Variants in EGFLAM observed in about 807,000 individuals in gnomAD.
The protein encoded by EGFLAM is pikachurin.
EGFLAM carries 79 observed loss-of-function variants against 113.1 expected under a neutral mutation model. The ratio of observed to expected loss-of-function variants is 0.70; its 90% confidence interval spans 0.58 to 0.84. The LOEUF is 0.84. EGFLAM is among the 40% of genes least tolerant of loss of function. The pLI, the probability that EGFLAM is intolerant of heterozygous loss-of-function variation, is 0.00. For missense variants in EGFLAM, 1,265 were observed against 1,291.6 expected (o/e 0.98, Z 0.32); for synonymous variants, 504 against 487.6 (o/e 1.03, Z -0.44).
At position 38,418,224 on chromosome 5, in the gene EGFLAM, C is replaced by T; in HGVS notation, c.1653C>T (p.Pro551=). Residue 551 remains proline (P), a synonymous_variant, in exon 12 of 22, where the codon CCC becomes CCT. Coordinates refer to ENST00000322350, the MANE Select transcript of EGFLAM (RefSeq NM_152403.4). ...GGAGAATTGACATGAGGCCCTGGCC[C>T]CTGGGAAAAGCACTCAGTGGGGCTG... The part of the protein sequence containing the change: ...NGRRIDMRPW[P]LGKALSGADV... 6.2e-7 allele frequency: 1 copy of T among 1,613,618 alleles called. No homozygotes were observed. The highest frequency in any genetic ancestry group is 1.1e-5 in the South Asian group (1 of 90,970).
intron 17 of EGFLAM, among the ~76,000 whole-genome samples, chr5:38,439,690 G>A (rs1019482055): frequency 6.6e-6 from 1 of 152,192 alleles, no homozygotes; most frequent in African/African-American, 2.4e-5. Flanking sequence ...ACAAGGGAGG[G>A]TAATTGATTC....
intron 1 of EGFLAM, among the ~76,000 whole-genome samples, chr5:38,307,260 T>A (rs529866026): frequency 6.6e-6 from 1 of 152,238 alleles, no homozygotes; most frequent in Non-Finnish European, 1.5e-5. Flanking sequence ...CTTGATATGG[T>A]TTGATTCTGT....
intron 1 of EGFLAM, among the ~76,000 whole-genome samples, chr5:38,329,302 TAAA>T (rs1200663064): frequency 4.2e-5 from 1 of 23,794 alleles, no homozygotes; most frequent in East Asian, 7.8e-4. Context: ...GATAAATAAA[TAAA>T]TAAATAAATA....
intron 5 of EGFLAM, among the ~76,000 whole-genome samples, chr5:38,353,494 T>A (rs1221060797): frequency 1.3e-5 from 2 of 152,226 alleles, no homozygotes; most frequent in East Asian, 3.8e-4. Context: ...CTCCCAAGAT[T>A]TGATTAGCTC....
At chr5:38,458,503 C>T in intron 20 of EGFLAM, 109 bp downstream of exon 20, 2 of 980,838 alleles carry the variant, frequency 2.0e-6, no homozygotes, top group Non-Finnish European at 3.0e-6. Flanking sequence ...TGCCTGGCAT[C>T]CTAGTTACCC....
rs1229616612 is a variant in EGFLAM at position 38,464,355 on chromosome 5, C to T, written c.*369C>T. 1 of 196,756 alleles carries T rather than the reference C, an allele frequency of 5.1e-6. No homozygotes were observed. Among genetic ancestry groups the T allele is most frequent in the African/African-American group, 2.3e-5 (1 of 43,374 alleles). 12.2% of individuals were successfully genotyped at this position (196,756 alleles called of 1,614,324 possible). ...AGAGAGAGAGAGAGAAAGAATCCCACAGGGCACTATTAAAATACTTCTCTC... is the reference window on the plus strand; with the variant it reads ...AGAGAGAGAGAGAGAAAGAATCCCATAGGGCACTATTAAAATACTTCTCTC... On this transcript the variant is annotated 3_prime_UTR_variant, in exon 22 of 22. Coordinates refer to ENST00000322350, the MANE Select transcript of EGFLAM (RefSeq NM_152403.4).
intron 20 of EGFLAM, among the ~76,000 whole-genome samples, chr5:38,459,654 G>A (rs1472940850): frequency 1.3e-5 from 2 of 152,174 alleles, no homozygotes; most frequent in Non-Finnish European, 2.9e-5. Context: ...GTAAAGTCAT[G>A]AGTGAGGCCT....
intron 6 of EGFLAM, among the ~76,000 whole-genome samples, chr5:38,377,467 C>T (rs555211862): frequency 6.6e-6 from 1 of 152,070 alleles, no homozygotes; most frequent in South Asian, 2.1e-4. Flanking sequence ...TTCTCAACAC[C>T]CTATGCAAGG....
chr5:38,448,067 C>A (rs542992131), intron 17 of EGFLAM, among the ~76,000 whole-genome samples: 16 of 152,118 alleles, frequency 1.1e-4, no homozygotes, highest in Non-Finnish European at 8.8e-5. Flanking sequence ...AGCGCTGAGG[C>A]CAGAGGCAGG....
chr5:38,305,456 C>G lies in EGFLAM; in HGVS notation c.98-32064C>G, dbSNP rs138426134. The G allele has an allele frequency of 1.1e-5, 5 of 454,336 alleles. No individual in the cohort carries two copies. The East Asian group carries it at 2.8e-4, about 25-fold the overall frequency. The allele number at this position is 454,336 out of a possible 1,614,324, so 28.1% of individuals were successfully genotyped here. On this transcript the variant is annotated intron_variant, in intron 1 of 21. Transcript: ENST00000322350. ...GGAAGGTGTTGGAGGATGACTGTCA[C>G]GAAAACTTGGACAGAACCATGACGC...
At chr5:38,356,978 G>A (rs1739778247) in intron 5 of EGFLAM, among the ~76,000 whole-genome samples, 1 of 152,168 alleles carries the variant, frequency 6.6e-6, no homozygotes, top group Non-Finnish European at 1.5e-5. Flanking sequence ...AGAGCCCTCA[G>A]GAATAAGATT....
intron 6 of EGFLAM, among the ~76,000 whole-genome samples, chr5:38,391,639 C>T (rs373207854): frequency 1.5e-4 from 23 of 152,108 alleles, no homozygotes; most frequent in Middle Eastern, 6.8e-3. Context: ...TCAAGTGATC[C>T]GCCCACCTCG....
intron 1 of EGFLAM, among the ~76,000 whole-genome samples, chr5:38,288,847 C>T (rs1758234651): frequency 6.6e-6 from 1 of 152,148 alleles, no homozygotes; most frequent in South Asian, 2.1e-4. Flanking sequence ...TGTGTTGTTT[C>T]TTCAATATTG....
intron 1 of EGFLAM, among the ~76,000 whole-genome samples, chr5:38,276,699 AAGAGT>A (rs1437328560): frequency 6.6e-6 from 1 of 152,116 alleles, no homozygotes; most frequent in African/African-American, 2.4e-5. Flanking sequence ...AAAAAAAGAG[AAGAGT>A]AAATAAATAA....
chr5:38,275,276 T>G (rs1757859744), intron 1 of EGFLAM, among the ~76,000 whole-genome samples: 1 of 152,118 alleles, frequency 6.6e-6, no homozygotes, highest in African/African-American at 2.4e-5. Flanking sequence ...TTAAAAGACA[T>G]AAAGTGGCTT....
chr5:38,352,242 G>A lies in EGFLAM; in HGVS notation c.456G>A (p.Val152=). The change falls in exon 5 of 22, where the codon GTG becomes GTA. Residue 152 remains valine (V), a synonymous_variant. Coordinates refer to ENST00000322350, the MANE Select transcript of EGFLAM (RefSeq NM_152403.4). ...PAAPQQPHVI[V]VSDSEVALSW... ...CTCCCCAGCAGCCACATGTCATTGT[G>A]GTTTCGGATTCTGAGGTGGCCCTGT... is the stretch of plus-strand genomic sequence containing the variant. 6.2e-7 allele frequency: 1 copy of A among 1,614,100 alleles called. No homozygotes were observed. Among genetic ancestry groups the A allele is most frequent in the Non-Finnish European group, 8.5e-7 (1 of 1,180,012 alleles).
intron 3 of EGFLAM, among the ~76,000 whole-genome samples, chr5:38,344,497 A>T (rs1053583796): frequency 6.6e-6 from 1 of 152,170 alleles, no homozygotes; most frequent in African/African-American, 2.4e-5. Context: ...AAAAAAAAAA[A>T]AAAGAAGAGT....
intron 6 of EGFLAM, among the ~76,000 whole-genome samples, chr5:38,381,728 T>G (rs1203100371): frequency 6.6e-6 from 1 of 152,210 alleles, no homozygotes; most frequent in Non-Finnish European, 1.5e-5. Flanking sequence ...TTCCTCTCTC[T>G]TCTTTCTTGT....
intron 6 of EGFLAM, among the ~76,000 whole-genome samples, chr5:38,385,290 C>CAA (rs909596557): frequency 8.6e-6 from 1 of 116,150 alleles, no homozygotes; most frequent in African/African-American, 3.2e-5. Flanking sequence ...CCCCCCCCCC[C>CAA]GCCCCCGCCA....
Sources: gnomAD v4.1 joint callset for allele counts (sites outside exome capture counted in the v4.1 genomes callset) on GRCh38, gnomAD v4.1.1 for gene constraint, MANE v1.5 for transcripts, NCBI Gene and HGNC (gene_info 2026-07-23, HGNC 2026-07-21) for gene names.